Variants in LHPP observed in about 807,000 individuals in gnomAD.
LHPP encodes the protein hLHPP.
LHPP carries 24 observed loss-of-function variants against 30.3 expected under a neutral mutation model. The observed-to-expected ratio is 0.79, with a 90% CI of 0.57 to 1.11. The LOEUF (loss-of-function observed/expected upper bound fraction) is 1.11, where lower values mean the gene tolerates loss of function less well. Ranked by LOEUF, LHPP falls within the 50% of genes most tolerant of loss-of-function variation. The probability of loss-of-function intolerance (pLI) is 0.00; values close to 1 mark genes in which losing one functional copy is unlikely to be tolerated. For synonymous variants in LHPP, 150 were observed against 157.1 expected, an observed-to-expected ratio of 0.95 and a Z score of 0.34; for missense variants, 356 against 367.2, an observed-to-expected ratio of 0.97 and a Z score of 0.25.
chr10:124,595,404 C>T (rs996007940), intron 6 of LHPP, among the ~76,000 whole-genome samples: 1 of 152,230 alleles, frequency 6.6e-6, no homozygotes, highest in African/African-American at 2.4e-5. Flanking sequence ...GGAGTCTGCT[C>T]GTGTGGGAAG....
Position 124,613,303 on chromosome 10 carries a change from G to T in LHPP, c.756G>T (p.Gly252=), listed in dbSNP as rs771749288. Residue 252 remains glycine, a synonymous_variant, in exon 7 of 7, where the codon GGG becomes GGT. Coordinates refer to ENST00000368842, the MANE Select transcript of LHPP (RefSeq NM_022126.4). ...DEHHPEVKAD[G]YVDNLAEAVD... is the part of the protein sequence containing the mutation. The stretch of plus-strand genomic sequence containing the variant: ...ACCATCCGGAAGTGAAGGCTGATGG[G>T]TACGTGGACAACCTCGCAGAGGCAG... The T allele has an allele frequency of 6.2e-7, 1 of 1,613,576 alleles. No homozygotes were observed. The highest frequency in any genetic ancestry group is 1.1e-5 in the South Asian group (1 of 91,086).
intron 1 of LHPP, among the ~76,000 whole-genome samples, chr10:124,481,791 A>G (rs991071991): frequency 1.1e-4 from 17 of 151,748 alleles, no homozygotes; most frequent in Non-Finnish European, 4.4e-5. Context: ...GCCAGTGCAC[A>G]CCTGCCTGTG....
chr10:124,534,942 A>T (rs11598732), intron 6 of LHPP, among the ~76,000 whole-genome samples: 1 of 152,150 alleles, frequency 6.6e-6, no homozygotes, highest in Non-Finnish European at 1.5e-5. Context: ...TCCATCTGAA[A>T]GATTTCGCCA....
chr10:124,476,574 C>T (rs1252019744), intron 1 of LHPP, among the ~76,000 whole-genome samples: 3 of 152,152 alleles, frequency 2.0e-5, no homozygotes, highest in East Asian at 3.9e-4. Context: ...GGACAGATGC[C>T]GATCTGTTGC....
intron 6 of LHPP, among the ~76,000 whole-genome samples, chr10:124,608,451 G>T (rs1003412828): frequency 6.6e-6 from 1 of 152,222 alleles, no homozygotes; most frequent in African/African-American, 2.4e-5. Flanking sequence ...CACGAATATT[G>T]GCTCCTGCCC....
chr10:124,506,432 T>C (rs568158923), intron 5 of LHPP, among the ~76,000 whole-genome samples: 1 of 151,946 alleles, frequency 6.6e-6, no homozygotes, highest in East Asian at 2.0e-4. Flanking sequence ...AAATTGTCTG[T>C]AGACATTGCC....
rs868765873 is a variant in LHPP, at chr10:124,553,794, A to G, written c.716+36523A>G. The G allele has an allele frequency of 8.2e-5, 55 of 671,862 alleles. No individual in the cohort carries two copies. The African/African-American group carries it at 1.0e-3, about 13-fold the overall frequency. The allele number at this position is 671,862 out of a possible 1,614,324, so 41.6% of individuals were successfully genotyped here. ...CTTGAATGTTGTATGACTCCCGGTG[A>G]TATTGTCACCTTGGGAGCTGCACAG... On this transcript the variant is annotated intron_variant, in intron 6 of 6. Coordinates refer to ENST00000368842, the MANE Select transcript of LHPP (RefSeq NM_022126.4).
intron 6 of LHPP, among the ~76,000 whole-genome samples, chr10:124,566,948 C>T (rs1188802972): frequency 6.6e-6 from 1 of 152,220 alleles, no homozygotes; most frequent in African/African-American, 2.4e-5. Context: ...GAGCCCCACA[C>T]CCGCTCCCAT....
At chr10:124,589,551 G>A (rs1273272819) in intron 6 of LHPP, among the ~76,000 whole-genome samples, 2 of 152,176 alleles carry the variant, frequency 1.3e-5, no homozygotes, top group East Asian at 1.9e-4. Context: ...AGAATGAGCC[G>A]GGAGGAGCAG....
intron 6 of LHPP, among the ~76,000 whole-genome samples, chr10:124,603,428 G>A (rs1949053069): frequency 6.6e-6 from 1 of 152,224 alleles, no homozygotes; most frequent in Non-Finnish European, 1.5e-5. Context: ...CAGTGGGAAA[G>A]GGAGCTTGGC....
rs759890361 is a variant in LHPP at position 124,484,177 on chromosome 10, A to C, written c.164A>C (p.Asn55Thr). 6.2e-7 allele frequency: 1 copy of C among 1,614,064 alleles called. No individual in the cohort carries two copies. Among genetic ancestry groups the C allele is most frequent in the Non-Finnish European group, 8.5e-7 (1 of 1,180,022 alleles). Residue 55 changes from asparagine to threonine, a missense_variant, in exon 2 of 7, where the codon AAC (asparagine) becomes ACC (threonine). Physicochemically the swap from Asn to Thr is moderately conservative, Grantham distance 65. Transcript: ENST00000368842. ...RSRLKVRFCT[N>T]ESQKSRAELV... ...CGGCTGAAGGTGAGGTTCTGCACCA[A>C]CGAGTCGCAGAAGTCCCGGGCAGAG...
chr10:124,583,528 G>C (rs1206653767), intron 6 of LHPP, among the ~76,000 whole-genome samples: 1 of 152,144 alleles, frequency 6.6e-6, no homozygotes, highest in African/African-American at 2.4e-5. Flanking sequence ...AAACTTAAAT[G>C]GCTTACAGTT....
At chr10:124,473,421 G>T (rs763992143) in intron 1 of LHPP, among the ~76,000 whole-genome samples, 30 of 152,178 alleles carry the variant, frequency 2.0e-4, no homozygotes, top group Non-Finnish European at 3.8e-4. Flanking sequence ...TTCTGCCAGG[G>T]CAGGCACCAC....
chr10:124,577,706 G>GCACACATGTGTAAATACACATGCATA (rs1250860670), intron 6 of LHPP, among the ~76,000 whole-genome samples: 1 of 152,020 alleles, frequency 6.6e-6, no homozygotes, highest in Non-Finnish European at 1.5e-5. Flanking sequence ...ACACATGCAT[G>GCACACATGTGTAAATACACATGCATA]CACATGCATA....
chr10:124,578,261 C>T (rs1948694366), intron 6 of LHPP, among the ~76,000 whole-genome samples: 2 of 152,248 alleles, frequency 1.3e-5, no homozygotes, highest in Non-Finnish European at 2.9e-5. Context: ...CAAGTCCGTG[C>T]AGGGGCTGCT....
chr10:124,544,378 A>G (rs7093795), intron 6 of LHPP, among the ~76,000 whole-genome samples: 116,144 of 152,142 alleles, frequency 0.76, 44,889 homozygotes, highest in East Asian at 0.9. Flanking sequence ...CAGAGTCCCC[A>G]GGGGTCAGGA....
At chr10:124,548,865 T>C (rs1955413923) in intron 6 of LHPP, among the ~76,000 whole-genome samples, 1 of 152,248 alleles carries the variant, frequency 6.6e-6, no homozygotes, top group Non-Finnish European at 1.5e-5. Context: ...TAGCTCTTTC[T>C]GCTGTGGCCT....
intron 5 of LHPP, among the ~76,000 whole-genome samples, chr10:124,505,822 A>T (rs1440683956): frequency 6.6e-6 from 1 of 152,212 alleles, no homozygotes; most frequent in Middle Eastern, 3.2e-3. Context: ...TGTTCAAACC[A>T]GAGCACTTAG....
intron 6 of LHPP, among the ~76,000 whole-genome samples, chr10:124,572,564 G>A (rs532656099): frequency 3.7e-4 from 56 of 152,096 alleles, no homozygotes; most frequent in Admixed American, 9.8e-4. Flanking sequence ...CCAGGAGGTG[G>A]AGGTTGCAGT....
Sources: gnomAD v4.1 joint callset for allele counts (sites outside exome capture counted in the v4.1 genomes callset) on GRCh38, gnomAD v4.1.1 for gene constraint, MANE v1.5 for transcripts, NCBI Gene and HGNC (gene_info 2026-07-23, HGNC 2026-07-21) for gene names.